The following ZNF492 variants were observed in gnomAD, a reference collection of about 807,000 sequenced individuals.
ZNF492 encodes the protein zinc finger protein 492, also known as zinc finger protein 115 (Y20).
In ZNF492, 3 loss-of-function variants were observed where a neutral mutation model predicts 6.4. The ratio of observed to expected loss-of-function variants is 0.47; its 90% CI spans 0.21 to 1.22. The LOEUF (loss-of-function observed/expected upper bound fraction) is 1.22. ZNF492 is among the 50% of genes most tolerant of loss of function. ZNF492 has a pLI of 0.22. For synonymous variants in ZNF492, 112 were observed against 205.3 expected (o/e 0.55, Z 3.89); for missense variants, 356 against 612.5 (o/e 0.58, Z 4.42).
chr19:22,648,686 T>C (rs1455831430), intron 1 of ZNF492, among the ~76,000 whole-genome samples: 1 of 152,224 alleles, frequency 6.6e-6, no homozygotes, highest in African/African-American at 2.4e-5. Context: ...TTGACTCCTT[T>C]ACCATTAAAT....
chr19:22,662,413 T>G (rs1341153207), intron 3 of ZNF492, among the ~76,000 whole-genome samples: 1 of 152,254 alleles, frequency 6.6e-6, no homozygotes, highest in African/African-American at 2.4e-5. Context: ...TGTGTCCTTA[T>G]AGTAGCATGA....
chr19:22,636,957 CTT>C (rs35144612), intron 1 of ZNF492, among the ~76,000 whole-genome samples: 28 of 106,488 alleles, frequency 2.6e-4, no homozygotes, highest in South Asian at 3.0e-4. Flanking sequence ...TTTAGTAAAC[CTT>C]TTTTTTTTTT....
Position 22,653,436 on chromosome 19 carries a change from G to A in ZNF492, c.34+3G>A. 4 of 1,613,528 alleles carry A rather than the reference G, an allele frequency of 2.5e-6. No individual in the cohort carries two copies. Among genetic ancestry groups the A allele is most frequent in the Non-Finnish European group, 2.5e-6 (3 of 1,179,924 alleles). The stretch of plus-strand genomic sequence containing the variant: ...CTACAGAAACCTGGTCTTCGTGGGT[G>A]AGGATAACTTCAATATACAATTCCC... On this transcript the variant is annotated splice_donor_region_variant and intron_variant, in intron 2 of 3. Coordinates refer to ENST00000456783, the MANE Select transcript of ZNF492 (RefSeq NM_020855.3).
rs1224225042 is a variant in ZNF492 at position 22,667,543 on chromosome 19, G to A, written c.*2278G>A. ...TTTTTGTATTATGAACAGTTCAATT[G>A]TACAGTTTTAGTTTTTTTAAAATAT... On this transcript the variant is annotated 3_prime_UTR_variant, in exon 4 of 4. Transcript: ENST00000456783. 2 of 150,620 alleles carry A rather than the reference G, an allele frequency of 1.3e-5. No homozygotes were observed. 9.3% of individuals were successfully genotyped at this position (150,620 alleles called of 1,614,324 possible).
chr19:22,654,135 G>T, intron 3 of ZNF492, 120 bp downstream of exon 3: 2 of 1,245,422 alleles, frequency 1.6e-6, no homozygotes, highest in Non-Finnish European at 2.2e-6. Flanking sequence ...ATAGTTTCTG[G>T]GAAGCCTGAA....
At chr19:22,659,282 T>C (rs1250233575) in intron 3 of ZNF492, among the ~76,000 whole-genome samples, 1 of 149,492 alleles carries the variant, frequency 6.7e-6, no homozygotes, top group African/African-American at 2.5e-5. Context: ...AGACTTAATT[T>C]TCTTCTTTTT....
In ZNF492 at chr19:22,663,783, A is replaced by AT. The variant is rs1298454993; in HGVS notation, c.131-12dup. On this transcript the variant is annotated splice_polypyrimidine_tract_variant and intron_variant, in intron 3 of 3. Coordinates refer to ENST00000456783, the MANE Select transcript of ZNF492 (RefSeq NM_020855.3). ...GAGTCAGTAAGTGAAGTAATTTATT[A>AT]TTTTTATTTCTTTCAGTTGTATGTT... 6.8e-7 allele frequency: 1 copy of AT among 1,476,278 alleles called. No homozygotes were observed. The highest frequency in any genetic ancestry group is 9.0e-7 in the Non-Finnish European group (1 of 1,116,424). The allele number at this position is 1,476,278 out of a possible 1,614,324, so 91.4% of individuals were successfully genotyped here.
At chr19:22,650,287 C>T (rs931257643) in intron 1 of ZNF492, among the ~76,000 whole-genome samples, 2 of 152,120 alleles carry the variant, frequency 1.3e-5, no homozygotes, top group Non-Finnish European at 2.9e-5. Flanking sequence ...TGGGTGCCTG[C>T]TCCTTCCTCT....
At chr19:22,654,864 G>A (rs1339057986) in intron 3 of ZNF492, among the ~76,000 whole-genome samples, 4 of 150,242 alleles carry the variant, frequency 2.7e-5, no homozygotes, top group African/African-American at 9.8e-5. Flanking sequence ...GCCTCCCAGA[G>A]TGCTAGAATT....
chr19:22,648,132 C>T (rs1287022910), intron 1 of ZNF492, among the ~76,000 whole-genome samples: 1 of 152,032 alleles, frequency 6.6e-6, no homozygotes, highest in Middle Eastern at 3.2e-3. Context: ...TAACTCTGTC[C>T]CAGAGATTCT....
chr19:22,653,880 G>T, intron 2 of ZNF492, 40 bp from the exon 3 acceptor site: 1 of 1,539,500 alleles, frequency 6.5e-7, no homozygotes, highest in Non-Finnish European at 8.7e-7. Context: ...TTGGTAATTG[G>T]AGAATATGAG....
At chr19:22,644,170 A>C (rs185955508) in intron 1 of ZNF492, among the ~76,000 whole-genome samples, 1 of 152,380 alleles carries the variant, frequency 6.6e-6, no homozygotes, top group East Asian at 1.9e-4. Context: ...ATTTGTCCAG[A>C]GAATCTTATC....
chr19:22,653,876 A>C (rs755964696), intron 2 of ZNF492, 44 bp from the exon 3 acceptor site: 1 of 1,539,746 alleles, frequency 6.5e-7, no homozygotes, highest in African/African-American at 1.4e-5. Flanking sequence ...TAAATTGGTA[A>C]TTGGAGAATA....
intron 1 of ZNF492, among the ~76,000 whole-genome samples, chr19:22,639,702 A>G (rs1599394199): frequency 6.9e-6 from 1 of 144,116 alleles, no homozygotes; most frequent in East Asian, 2.1e-4. Context: ...TAAGAGCGAA[A>G]CTTGGTCTCA....
chr19:22,635,756 C>T (rs1971755061), intron 1 of ZNF492, among the ~76,000 whole-genome samples: 1 of 152,112 alleles, frequency 6.6e-6, no homozygotes, highest in Non-Finnish European at 1.5e-5. Context: ...ATGGCGATGT[C>T]TGCTAGAGTA....
At chr19:22,660,261 C>G (rs1336106820) in intron 3 of ZNF492, among the ~76,000 whole-genome samples, 1 of 152,052 alleles carries the variant, frequency 6.6e-6, no homozygotes, top group Non-Finnish European at 1.5e-5. Context: ...TTTATATATA[C>G]ATTTAAATAA....
chr19:22,645,285 G>A (rs529299136), intron 1 of ZNF492, among the ~76,000 whole-genome samples: 17 of 152,228 alleles, frequency 1.1e-4, no homozygotes, highest in African/African-American at 3.4e-4. Context: ...TACCTCAAAC[G>A]ATCCACCCAC....
chr19:22,647,853 C>T (rs1003518332), intron 1 of ZNF492, among the ~76,000 whole-genome samples: 4 of 150,920 alleles, frequency 2.7e-5, no homozygotes, highest in Non-Finnish European at 4.4e-5. Context: ...GCCTCAACCT[C>T]CTGAGTAGCT....
In ZNF492 at chr19:22,665,254, G is replaced by T. The variant is rs1972112329; in HGVS notation, c.1585G>T (p.Gly529Cys). The T allele has an allele frequency of 1.3e-6, 2 of 1,565,664 alleles. No individual in the cohort carries two copies. Among genetic ancestry groups the T allele is most frequent in the Non-Finnish European group, 1.7e-6 (2 of 1,155,794 alleles). The change falls in exon 4 of 4, where the codon GGT (glycine) becomes TGT (cysteine). Residue 529 changes from glycine (G) to cysteine (C), a missense_variant. This residue lies in a region of ZNF492 where 81 missense variants were observed against 115.4 expected (regional missense o/e 0.70). Transcript: ENST00000456783. Reference protein sequence around the residue: ...KISKYKRNCAGEK With the variant: ...KISKYKRNCACEK ...TTCCAAATATAAAAGAAATTGTGCT[G>T]GTGAGAAATAATAGAAATATGAATG...
Sources: allele counts gnomAD v4.1 joint callset (sites outside exome capture counted in the v4.1 genomes callset), GRCh38; gene constraint gnomAD v4.1.1; regional missense constraint gnomAD v4.1.1; transcripts MANE v1.5; gene names NCBI Gene and HGNC (gene_info 2026-07-23, HGNC 2026-07-21).